Variants in TLE4 observed in about 807,000 individuals in gnomAD.
TLE4 encodes the protein TLE family member 4, transcriptional corepressor.
A neutral mutation model predicts 92.8 loss-of-function variants in TLE4; 8 were observed. The ratio of observed to expected loss-of-function variants is 0.09; its 90% confidence interval spans 0.05 to 0.16. The LOEUF is 0.16. Ranked by LOEUF, TLE4 falls within the 10% of genes least tolerant of loss-of-function variation. TLE4 has a pLI of 1.00. For missense variants in TLE4, 675 were observed against 997.6 expected (o/e 0.68, Z 4.36); for synonymous variants, 371 against 374.1 (o/e 0.99, Z 0.10).
At chr9:79,627,802 C>G (rs1425301420) in intron 6 of TLE4, 1 of 227,984 alleles carries the variant, frequency 4.4e-6, no homozygotes, top group Non-Finnish European at 8.6e-6. Flanking sequence ...TTTTTTCTTT[C>G]CTTGAATAAT....
intron 5 of TLE4, among the ~76,000 whole-genome samples, chr9:79,621,409 G>T (rs967893146): frequency 6.6e-6 from 1 of 152,178 alleles, no homozygotes; most frequent in African/African-American, 2.4e-5. Context: ...ATTATGCATT[G>T]TCATATACTT....
Position 79,572,963 on chromosome 9 carries a change from C to A in TLE4, c.45+128C>A, listed in dbSNP as rs2036246807. ...GCCGCCCGAAATCGGCGCCCCGCGC[C>A]GGGAGCAGCCCGCCCGCCATCACCC... On this transcript the variant is annotated intron_variant, in intron 1 of 19. Coordinates refer to ENST00000376552, the MANE Select transcript of TLE4 (RefSeq NM_007005.6). 5 of 988,468 alleles carry A rather than the reference C, an allele frequency of 5.1e-6. No individual in the cohort carries two copies. In the South Asian group the frequency reaches 8.9e-5, roughly 18 times the overall value. The allele number at this position is 988,468 out of a possible 1,614,324, so 61.2% of individuals were successfully genotyped here.
At chr9:79,653,600 T>C (rs1397682662) in intron 7 of TLE4, among the ~76,000 whole-genome samples, 2 of 152,218 alleles carry the variant, frequency 1.3e-5, no homozygotes, top group Non-Finnish European at 2.9e-5. Context: ...GGGTGGTTCA[T>C]TGGCTTGAAG....
intron 5 of TLE4, among the ~76,000 whole-genome samples, chr9:79,618,631 C>T (rs2050212019): frequency 6.6e-6 from 1 of 152,162 alleles, no homozygotes; most frequent in Non-Finnish European, 1.5e-5. Context: ...CCTCCTTCTA[C>T]ACTCCTGTAA....
At chr9:79,600,894 C>T (rs1260739435) in intron 4 of TLE4, among the ~76,000 whole-genome samples, 2 of 152,066 alleles carry the variant, frequency 1.3e-5, no homozygotes, top group Non-Finnish European at 2.9e-5. Context: ...CTAGTGATGC[C>T]GTCGCATGAG....
chr9:79,656,415 C>A (rs1011849495), intron 8 of TLE4, among the ~76,000 whole-genome samples: 3 of 152,106 alleles, frequency 2.0e-5, no homozygotes, highest in African/African-American at 7.2e-5. Flanking sequence ...ACATAAATTT[C>A]CTTCTTGCTT....
chr9:79,636,830 C>G (rs1009480805), intron 6 of TLE4, among the ~76,000 whole-genome samples: 3 of 152,078 alleles, frequency 2.0e-5, no homozygotes, highest in Admixed American at 6.6e-5. Flanking sequence ...ATTTTCAATA[C>G]GTATTTGTAT....
chr9:79,615,397 T>G (rs2049307964), intron 5 of TLE4, among the ~76,000 whole-genome samples: 1 of 152,196 alleles, frequency 6.6e-6, no homozygotes, highest in Admixed American at 6.6e-5. Flanking sequence ...AATGTTTTTA[T>G]TTAAAAATTA....
Position 79,725,556 on chromosome 9 carries a change from A to C in TLE4, c.*412A>C, listed in dbSNP as rs2076307087. 6.1e-6 allele frequency: 1 copy of C among 164,602 alleles called. No homozygotes were observed. The allele number at this position is 164,602 out of a possible 1,614,324, so 10.2% of individuals were successfully genotyped here. A position where few individuals can be genotyped will look rare whatever the true frequency, so the allele number is the denominator to read the frequency against. Reference sequence around the variant, plus strand: ...CCCTTTTTTTGGCAAAGGAGGGGAAAGGAAGGTTTAAAATAATTGATTTAA... The same window carrying C: ...CCCTTTTTTTGGCAAAGGAGGGGAACGGAAGGTTTAAAATAATTGATTTAA... On this transcript the variant is annotated 3_prime_UTR_variant, in exon 20 of 20. Coordinates refer to ENST00000376552, the MANE Select transcript of TLE4 (RefSeq NM_007005.6).
At chr9:79,713,274 A>G (rs1035372421) in intron 14 of TLE4, among the ~76,000 whole-genome samples, 5 of 152,248 alleles carry the variant, frequency 3.3e-5, no homozygotes, top group African/African-American at 1.2e-4. Flanking sequence ...GTCTTTGTCA[A>G]GATGATAATC....
At chr9:79,693,917 C>T (rs571641141) in intron 8 of TLE4, among the ~76,000 whole-genome samples, 31 of 152,336 alleles carry the variant, frequency 2.0e-4, no homozygotes, top group Non-Finnish European at 4.1e-4. Flanking sequence ...CACCACTTAG[C>T]TTGATGCCAA....
chr9:79,579,680 G>GTA (rs965407235), intron 4 of TLE4, among the ~76,000 whole-genome samples: 24 of 151,870 alleles, frequency 1.6e-4, no homozygotes, highest in East Asian at 3.9e-4. Context: ...GTGTGTGTGT[G>GTA]TATATATATA....
At chr9:79,627,544 G>C in intron 6 of TLE4, 96 bp downstream of exon 6, 1 of 1,214,740 alleles carries the variant, frequency 8.2e-7, no homozygotes, top group Non-Finnish European at 1.2e-6. Flanking sequence ...GGGGCAAAAA[G>C]CAATAGATGA....
rs1021610270 is a variant in TLE4 at position 79,602,834 on chromosome 9, G to A, written c.253-9822G>A. ...ATAATGATTCTTCTGGTGAATCTGA[G>A]CAAGGTAAATTGAAAACCTTCTGGA... On this transcript the variant is annotated intron_variant, in intron 4 of 19. Transcript: ENST00000376552. Among the ~76,000 whole-genome samples, 9 of 152,120 alleles carry A rather than the reference G, an allele frequency of 5.9e-5. No homozygotes were observed. In the South Asian group the frequency reaches 1.9e-3, roughly 31 times the overall value.
chr9:79,573,503 A>T (rs975743393), intron 1 of TLE4, 186 bp from the exon 2 acceptor site: 1 of 846,738 alleles, frequency 1.2e-6, no homozygotes, highest in Non-Finnish European at 1.6e-6. Flanking sequence ...CCCCAGGACC[A>T]CCTCGAAACC....
At chr9:79,668,173 A>G (rs2061706443) in intron 8 of TLE4, among the ~76,000 whole-genome samples, 1 of 152,172 alleles carries the variant, frequency 6.6e-6, no homozygotes, top group Admixed American at 6.5e-5. Context: ...CATTGTTGTT[A>G]ATGAAAGCAG....
At chr9:79,628,057 C>T (rs2053116147) in intron 6 of TLE4, among the ~76,000 whole-genome samples, 2 of 151,948 alleles carry the variant, frequency 1.3e-5, no homozygotes, top group South Asian at 2.1e-4. Context: ...TGGGCAGTCA[C>T]TTCAACTCTG....
At chr9:79,617,695 TG>T (rs1398527518) in intron 5 of TLE4, among the ~76,000 whole-genome samples, 1 of 152,170 alleles carries the variant, frequency 6.6e-6, no homozygotes, top group African/African-American at 2.4e-5. Flanking sequence ...TTAACTTTTC[TG>T]GGCTGCAGTT....
chr9:79,661,209 A>G (rs1431284475), intron 8 of TLE4, among the ~76,000 whole-genome samples: 2 of 152,240 alleles, frequency 1.3e-5, no homozygotes, highest in East Asian at 1.9e-4. Context: ...GAATTATTCC[A>G]AAGAATCGTT....
Sources: gnomAD v4.1 joint callset for allele counts (sites outside exome capture counted in the v4.1 genomes callset) on GRCh38, gnomAD v4.1.1 for gene constraint, MANE v1.5 for transcripts, NCBI Gene and HGNC (gene_info 2026-07-23, HGNC 2026-07-21) for gene names.